ZEB1: variants seen among roughly 807,000 people sequenced by gnomAD.
ZEB1 encodes zinc finger E-box binding homeobox 1.
In ZEB1, 21 loss-of-function variants were observed where a neutral mutation model predicts 84.9. That is an observed-to-expected ratio of 0.25 (90% CI 0.18 to 0.36). The LOEUF is 0.36. Among genes scored for constraint, ZEB1 ranks in the 10% least tolerant of loss-of-function variants. The pLI is 1.00. For synonymous variants in ZEB1, 420 were observed against 471.1 expected, an observed-to-expected ratio of 0.89 and a Z score of 1.41; for missense variants, 1,104 against 1,330.2, an observed-to-expected ratio of 0.83 and a Z score of 2.65.
chr10:31,355,186 T>G (rs2133946978), intron 1 of ZEB1: 1 of 152,258 alleles, frequency 6.6e-6, no homozygotes, highest in East Asian at 1.9e-4. Context: ...ATAATATTCT[T>G]ATTAAGGTAA....
chr10:31,398,039 A>G (rs2051145673), intron 1 of ZEB1, among the ~76,000 whole-genome samples: 1 of 152,244 alleles, frequency 6.6e-6, no homozygotes, highest in East Asian at 1.9e-4. Flanking sequence ...AAAGTGTATG[A>G]ACAAAGTGTG....
At chr10:31,466,867 A>C (rs2062501694) in intron 2 of ZEB1, among the ~76,000 whole-genome samples, 1 of 152,214 alleles carries the variant, frequency 6.6e-6, no homozygotes, top group Non-Finnish European at 1.5e-5. Context: ...CTAGAATTTA[A>C]AAAAGGAGGG....
chr10:31,445,554 G>C (rs2059650273), intron 1 of ZEB1, among the ~76,000 whole-genome samples: 1 of 152,052 alleles, frequency 6.6e-6, no homozygotes, highest in African/African-American at 2.4e-5. Context: ...CTGTGGGTCT[G>C]TCATAGATAG....
chr10:31,463,020 A>T (rs1036699762), intron 2 of ZEB1, among the ~76,000 whole-genome samples: 6 of 152,194 alleles, frequency 3.9e-5, no homozygotes, highest in Non-Finnish European at 7.4e-5. Context: ...TTGCTCACTT[A>T]TGGCAGCTGG....
intron 1 of ZEB1, among the ~76,000 whole-genome samples, chr10:31,402,288 C>T (rs2052194708): frequency 6.6e-6 from 1 of 151,836 alleles, no homozygotes; most frequent in Non-Finnish European, 1.5e-5. Context: ...TATTTGCCTT[C>T]TGATTAAATG....
chr10:31,490,371 T>C (rs947113420), intron 2 of ZEB1, among the ~76,000 whole-genome samples: 3 of 151,672 alleles, frequency 2.0e-5, no homozygotes. Flanking sequence ...CTTTATTTTT[T>C]AATAAATATT....
chr10:31,353,124 A>G (rs917510751), intron 1 of ZEB1, among the ~76,000 whole-genome samples: 1 of 152,232 alleles, frequency 6.6e-6, no homozygotes, highest in African/African-American at 2.4e-5. Flanking sequence ...TGACAGTAGT[A>G]GTATCAACCT....
chr10:31,474,491 C>T (rs1043820953), intron 2 of ZEB1, among the ~76,000 whole-genome samples: 10 of 152,206 alleles, frequency 6.6e-5, no homozygotes, highest in African/African-American at 2.4e-4. Flanking sequence ...CAGAGAAAGG[C>T]AAATCAAAAC....
In ZEB1 at chr10:31,523,627, A is replaced by G. The variant is rs1223912854; in HGVS notation, c.2605-306A>G. On this transcript the variant is annotated intron_variant, in intron 7 of 8. Coordinates refer to ENST00000424869, the MANE Select transcript of ZEB1 (RefSeq NM_001174096.2). Reference sequence around the variant, plus strand: ...CACATGAAACTAGGTAAACTCTGTTACTATATATTTTACATGCTTTCTTTT... The same window carrying G: ...CACATGAAACTAGGTAAACTCTGTTGCTATATATTTTACATGCTTTCTTTT... Among the ~76,000 whole-genome samples, 2 of 152,236 alleles carry G rather than the reference A, an allele frequency of 1.3e-5. 1 individual carries two copies. Among genetic ancestry groups the G allele is most frequent in the Admixed American group, 1.3e-4 (2 of 15,284 alleles).
In ZEB1 at chr10:31,482,609, G is replaced by C. The variant is rs879711507; in HGVS notation, c.260-13167G>C. ...GTGATTATGTCATGTTCTCTTTAGG[G>C]GATACTGGTTAAAGGGTATACAAGA... On this transcript the variant is annotated intron_variant, in intron 2 of 8. Transcript: ENST00000424869. 3.8e-4 allele frequency among the ~76,000 whole-genome samples: 57 copies of C among 151,884 alleles called. 1 individual carries two copies. Among genetic ancestry groups the C allele is most frequent in the Admixed American group, 2.8e-3 (43 of 15,216 alleles).
chr10:31,487,070 A>G (rs1309839495), intron 2 of ZEB1, among the ~76,000 whole-genome samples: 2 of 151,438 alleles, frequency 1.3e-5, no homozygotes, highest in Admixed American at 1.3e-4. Flanking sequence ...AATTGTCTAT[A>G]TTTATGTGGG....
intron 1 of ZEB1, among the ~76,000 whole-genome samples, chr10:31,405,656 C>T (rs947829706): frequency 6.6e-6 from 1 of 151,494 alleles, no homozygotes; most frequent in African/African-American, 2.4e-5. Context: ...TATTTGATAG[C>T]TATCTAATAC....
intron 2 of ZEB1, among the ~76,000 whole-genome samples, chr10:31,464,929 A>C (rs917369935): frequency 6.6e-6 from 1 of 152,244 alleles, no homozygotes; most frequent in Admixed American, 6.5e-5. Flanking sequence ...AAAACATGAA[A>C]GAATAAAACT....
At position 31,361,239 on chromosome 10, in the gene ZEB1, C is replaced by A; in HGVS notation, c.58+41947C>A. The A allele has an allele frequency of 2.5e-6, 4 of 1,606,364 alleles. No homozygotes were observed. The South Asian group carries it at 4.4e-5, about 18-fold the overall frequency. On this transcript the variant is annotated intron_variant, in intron 1 of 8. Transcript: ENST00000424869. ...GACGCAGTCTTGCTCTGTCACCAGG[C>A]TGGAGTGCAGTGGTGCGATCTCGGC...
At chr10:31,368,554 T>A in intron 1 of ZEB1, among the ~76,000 whole-genome samples, 1 of 152,192 alleles carries the variant, frequency 6.6e-6, no homozygotes, top group East Asian at 1.9e-4. Context: ...TTTATTTGTA[T>A]TATTTTTTAT....
intron 2 of ZEB1, among the ~76,000 whole-genome samples, chr10:31,468,824 T>C (rs541234357): frequency 1.3e-5 from 2 of 152,202 alleles, no homozygotes; most frequent in South Asian, 2.1e-4. Flanking sequence ...TGCCAGCTTC[T>C]ACACATGAGA....
At chr10:31,383,181 A>G (rs996104895) in intron 1 of ZEB1, among the ~76,000 whole-genome samples, 4 of 152,284 alleles carry the variant, frequency 2.6e-5, no homozygotes, top group Middle Eastern at 6.8e-3. Flanking sequence ...TTTGGAGACT[A>G]TAGAACAACA....
intron 2 of ZEB1, among the ~76,000 whole-genome samples, chr10:31,491,843 G>C (rs1217280247): frequency 6.6e-6 from 1 of 151,770 alleles, no homozygotes; most frequent in Non-Finnish European, 1.5e-5. Context: ...TTTTAACTTT[G>C]CTATACAGTT....
chr10:31,338,235 A>G, intron 1 of ZEB1, among the ~76,000 whole-genome samples: 1 of 152,166 alleles, frequency 6.6e-6, no homozygotes, highest in Admixed American at 6.5e-5. Flanking sequence ...TCATTTTAGA[A>G]TATTTACATT....
Sources: gnomAD v4.1 joint callset for allele counts (sites outside exome capture counted in the v4.1 genomes callset) on GRCh38, gnomAD v4.1.1 for gene constraint, MANE v1.5 for transcripts, NCBI Gene and HGNC (gene_info 2026-07-23, HGNC 2026-07-21) for gene names.